Variants in ARHGAP44 observed in about 807,000 individuals in gnomAD.
ARHGAP44 encodes the protein Rho GTPase activating protein 44, also known as rho GTPase-activating protein 44.
Under a neutral mutation model 106.8 loss-of-function variants are expected in ARHGAP44, and 43 were observed. The observed-to-expected ratio is 0.40, with a 90% CI of 0.32 to 0.52. The LOEUF (loss-of-function observed/expected upper bound fraction) is 0.52, where lower values mean the gene tolerates loss of function less well. Among genes scored for constraint, ARHGAP44 ranks in the 20% least tolerant of loss-of-function variants. The pLI, the probability that ARHGAP44 is intolerant of heterozygous loss-of-function variation, is 0.48. For missense variants in ARHGAP44, 866 were observed against 1,050.5 expected (o/e 0.82, Z 2.43); for synonymous variants, 439 against 410.3 (o/e 1.07, Z -0.85).
chr17:12,962,699 C>T (rs999977222), intron 16 of ARHGAP44, among the ~76,000 whole-genome samples: 1 of 152,146 alleles, frequency 6.6e-6, no homozygotes, highest in African/African-American at 2.4e-5. Context: ...AGAGCAAAGC[C>T]TTGCTCCCTC....
chr17:12,857,036 G>GAT (rs1194966742), intron 1 of ARHGAP44, among the ~76,000 whole-genome samples: 1 of 152,038 alleles, frequency 6.6e-6, no homozygotes, highest in Non-Finnish European at 1.5e-5. Context: ...CCACATTTTA[G>GAT]ATATATATAA....
chr17:12,859,230 C>A (rs1197221557), intron 1 of ARHGAP44, among the ~76,000 whole-genome samples: 4 of 152,184 alleles, frequency 2.6e-5, no homozygotes, highest in Admixed American at 1.3e-4. Context: ...TTGCAGCCAC[C>A]ACGAGCTAGG....
At chr17:12,876,105 C>T (rs964585809) in intron 1 of ARHGAP44, among the ~76,000 whole-genome samples, 2 of 152,100 alleles carry the variant, frequency 1.3e-5, no homozygotes, top group Non-Finnish European at 2.9e-5. Flanking sequence ...CCAATCCATA[C>T]CCCCACTCAG....
At chr17:12,893,036 G>A (rs1480103350) in intron 1 of ARHGAP44, among the ~76,000 whole-genome samples, 1 of 151,390 alleles carries the variant, frequency 6.6e-6, no homozygotes, top group East Asian at 1.9e-4. Flanking sequence ...GGATATTATG[G>A]CTGTTATATT....
intron 1 of ARHGAP44, among the ~76,000 whole-genome samples, chr17:12,876,970 G>T (rs138093082): frequency 6.6e-6 from 1 of 151,932 alleles, no homozygotes; most frequent in African/African-American, 2.4e-5. Flanking sequence ...AGTCTGATGG[G>T]GCCTAGCTCG....
chr17:12,924,315 C>G (rs2038172413), intron 6 of ARHGAP44, among the ~76,000 whole-genome samples: 1 of 152,186 alleles, frequency 6.6e-6, no homozygotes, highest in Non-Finnish European at 1.5e-5. Context: ...CCTCAATATT[C>G]TCAGAGAAAC....
At chr17:12,824,883 GACTGAAGTATC>G (rs2150802354) in intron 1 of ARHGAP44, among the ~76,000 whole-genome samples, 1 of 151,742 alleles carries the variant, frequency 6.6e-6, no homozygotes, top group South Asian at 2.1e-4. Flanking sequence ...CCAGAATTCT[GACTGAAGTATC>G]ACTTTTGGGG....
chr17:12,895,807 G>A (rs567087737), intron 2 of ARHGAP44, among the ~76,000 whole-genome samples: 3 of 152,220 alleles, frequency 2.0e-5, no homozygotes, highest in South Asian at 4.2e-4. Context: ...GCACACGTAT[G>A]TTTATTGTGG....
intron 1 of ARHGAP44, among the ~76,000 whole-genome samples, chr17:12,834,340 T>C (rs2035176055): frequency 6.6e-6 from 1 of 152,158 alleles, no homozygotes; most frequent in Admixed American, 6.5e-5. Flanking sequence ...ATACATTGGG[T>C]TTACATTCTC....
rs1015856585 is a variant in ARHGAP44 at position 12,941,185 on chromosome 17, A to G, written c.651+61A>G. On this transcript the variant is annotated intron_variant, in intron 8 of 20. Transcript: ENST00000379672. ...GTTCGTAGGAGAAGGGAATGTGGGC[A>G]TGGAATTAAGAGTCCCTTAATTGAT... 5.3e-6 allele frequency: 8 copies of G among 1,502,806 alleles called. No individual in the cohort carries two copies. The African/African-American group carries it at 9.6e-5, about 18-fold the overall frequency. 93.1% of individuals were successfully genotyped at this position (1,502,806 alleles called of 1,614,324 possible).
At chr17:12,895,164 A>G (rs2037165862) in intron 2 of ARHGAP44, among the ~76,000 whole-genome samples, 185 bp downstream of exon 2, 1 of 149,914 alleles carries the variant, frequency 6.7e-6, no homozygotes, top group African/African-American at 2.5e-5. Flanking sequence ...AAAAAAACAA[A>G]CAACCAAAAA....
At chr17:12,794,900 A>G (rs1172567177) in intron 1 of ARHGAP44, among the ~76,000 whole-genome samples, 1 of 152,176 alleles carries the variant, frequency 6.6e-6, no homozygotes, top group Non-Finnish European at 1.5e-5. Context: ...CAAAGCTGCC[A>G]AAGTCAGTGA....
At chr17:12,845,506 C>CAAAAAAAAAAAAAAA (rs748288660) in intron 1 of ARHGAP44, among the ~76,000 whole-genome samples, 8 of 67,906 alleles carry the variant, frequency 1.2e-4, no homozygotes, top group African/African-American at 4.5e-4. Context: ...GACTCCGTCT[C>CAAAAAAAAAAAAAAA]AAAAAAAAAA....
chr17:12,855,242 GATAATAA>G (rs572254934), intron 1 of ARHGAP44, among the ~76,000 whole-genome samples: 1 of 152,116 alleles, frequency 6.6e-6, no homozygotes, highest in African/African-American at 2.4e-5. Flanking sequence ...CATCTCTAAA[GATAATAA>G]ATAAATAAAC....
In ARHGAP44 at chr17:12,949,359, A is replaced by G; in HGVS notation, c.973+108A>G. 1 of 1,222,664 alleles carries G rather than the reference A, an allele frequency of 8.2e-7. No individual in the cohort carries two copies. Among genetic ancestry groups the G allele is most frequent in the Non-Finnish European group, 1.1e-6 (1 of 869,772 alleles). 75.7% of individuals were successfully genotyped at this position (1,222,664 alleles called of 1,614,324 possible). On this transcript the variant is annotated intron_variant, in intron 11 of 20. Transcript: ENST00000379672. This position sits in a 1 kb window ranked among gnomAD's most constrained non-coding sequence, Gnocchi z 4.1. The stretch of plus-strand genomic sequence containing the variant: ...GACACTCAAGTCAGTGGCTGCCCAA[A>G]GCACTTCAGATGTGTCCACTCAGTG...
At chr17:12,882,828 T>C (rs1398946107) in intron 1 of ARHGAP44, among the ~76,000 whole-genome samples, 2 of 152,126 alleles carry the variant, frequency 1.3e-5, no homozygotes, top group Admixed American at 1.3e-4. Context: ...TTCTGTGTCA[T>C]TAATACATGA....
At chr17:12,820,045 C>A (rs2034720480) in intron 1 of ARHGAP44, among the ~76,000 whole-genome samples, 1 of 152,088 alleles carries the variant, frequency 6.6e-6, no homozygotes, top group African/African-American at 2.4e-5. Flanking sequence ...ACATTTAGAT[C>A]CGTAATCCAG....
At chr17:12,894,373 C>G (rs2037142339) in intron 1 of ARHGAP44, among the ~76,000 whole-genome samples, 1 of 152,092 alleles carries the variant, frequency 6.6e-6, no homozygotes, top group African/African-American at 2.4e-5. Context: ...GCACTCTTCT[C>G]TGACATGAGG....
intron 3 of ARHGAP44, among the ~76,000 whole-genome samples, chr17:12,908,384 A>G (rs1296278041): frequency 1.3e-5 from 2 of 151,490 alleles, no homozygotes; most frequent in East Asian, 3.9e-4. Flanking sequence ...ATTAGTAGAG[A>G]CGGGCTTTCA....
Sources: gnomAD v4.1 joint callset for allele counts (sites outside exome capture counted in the v4.1 genomes callset) on GRCh38, gnomAD v4.1.1 for gene constraint, Gnocchi (gnomAD v3.1) non-coding constraint, MANE v1.5 for transcripts, NCBI Gene and HGNC (gene_info 2026-07-23, HGNC 2026-07-21) for gene names.